NME7: variants seen among roughly 807,000 people sequenced by gnomAD.
NME7 encodes the protein nucleoside diphosphate kinase 7.
In NME7, 41 loss-of-function variants were observed where a neutral mutation model predicts 49.1. The ratio of observed to expected loss-of-function variants is 0.83; its 90% CI spans 0.65 to 1.08. NME7 has a LOEUF of 1.08. Among genes scored for constraint, NME7 ranks in the 50% least tolerant of loss-of-function variants. NME7 has a pLI of 0.00. For synonymous variants in NME7, 139 were observed against 150.6 expected (o/e 0.92, Z 0.56); for missense variants, 423 against 463.4 (o/e 0.91, Z 0.80).
chr1:169,299,287 C>T (rs1319976896), intron 5 of NME7, among the ~76,000 whole-genome samples: 1 of 151,886 alleles, frequency 6.6e-6, no homozygotes, highest in African/African-American at 2.4e-5. Flanking sequence ...AAAAAATCCC[C>T]AGCAGGCTTC....
intron 1 of NME7, among the ~76,000 whole-genome samples, chr1:169,335,562 G>A (rs1652426355): frequency 6.6e-6 from 1 of 151,748 alleles, no homozygotes; most frequent in Non-Finnish European, 1.5e-5. Flanking sequence ...TGGGGTGGGG[G>A]ATGAGGGAAG....
At chr1:169,361,842 A>G (rs183489838) in intron 1 of NME7, among the ~76,000 whole-genome samples, 2 of 152,142 alleles carry the variant, frequency 1.3e-5, no homozygotes, top group African/African-American at 4.8e-5. Context: ...GAAACGTCAT[A>G]AAGTTGGAAA....
At chr1:169,354,833 AATAG>A (rs1289803480) in intron 1 of NME7, among the ~76,000 whole-genome samples, 2 of 135,870 alleles carry the variant, frequency 1.5e-5, no homozygotes, top group African/African-American at 2.7e-5. Flanking sequence ...TATAATACAT[AATAG>A]ATATATTATA....
intron 1 of NME7, among the ~76,000 whole-genome samples, chr1:169,338,338 T>C (rs959337656): frequency 3.3e-5 from 5 of 152,192 alleles, no homozygotes; most frequent in Non-Finnish European, 7.3e-5. Flanking sequence ...AAAAAGTCAG[T>C]GATGCAATGA....
At chr1:169,178,965 C>T (rs1192425207) in intron 10 of NME7, among the ~76,000 whole-genome samples, 1 of 152,026 alleles carries the variant, frequency 6.6e-6, no homozygotes, top group Non-Finnish European at 1.5e-5. Context: ...GGATTACAGG[C>T]ATGTGCCACC....
intron 7 of NME7, chr1:169,286,344 G>A (rs976452551): frequency 6.6e-6 from 1 of 151,838 alleles, no homozygotes; most frequent in Non-Finnish European, 1.5e-5. Flanking sequence ...TGGATACTTA[G>A]GAGACATAAA....
At chr1:169,149,373 T>G (rs1658845970) in intron 11 of NME7, among the ~76,000 whole-genome samples, 1 of 152,102 alleles carries the variant, frequency 6.6e-6, no homozygotes, top group African/African-American at 2.4e-5. Context: ...AAATAATATT[T>G]AACTAAGAGA....
chr1:169,147,713 A>G (rs567529857), intron 11 of NME7, among the ~76,000 whole-genome samples: 2 of 152,352 alleles, frequency 1.3e-5, no homozygotes, highest in South Asian at 4.1e-4. Context: ...CAAATTCGTA[A>G]CTATATCAAG....
intron 1 of NME7, among the ~76,000 whole-genome samples, chr1:169,335,582 G>C (rs1276242332): frequency 6.6e-6 from 1 of 151,310 alleles, no homozygotes; most frequent in Non-Finnish European, 1.5e-5. Context: ...GGGAACTTAG[G>C]GGACGAGTCA....
chr1:169,353,978 T>C (rs1358475801), intron 1 of NME7, among the ~76,000 whole-genome samples: 2 of 152,114 alleles, frequency 1.3e-5, no homozygotes, highest in Admixed American at 6.6e-5. Flanking sequence ...ACAACCACTA[T>C]TGAGAACAGT....
intron 10 of NME7, among the ~76,000 whole-genome samples, chr1:169,187,926 T>C (rs754122715): frequency 1.7e-4 from 26 of 152,220 alleles, no homozygotes; most frequent in Admixed American, 1.1e-3. Context: ...TCAGGAGCTC[T>C]TGTAAGGTAG....
At chr1:169,314,153 A>T (rs1025680810) in intron 3 of NME7, among the ~76,000 whole-genome samples, 1 of 152,068 alleles carries the variant, frequency 6.6e-6, no homozygotes, top group East Asian at 1.9e-4. Flanking sequence ...AATAATCCCA[A>T]ACAGAATGTT....
intron 11 of NME7, among the ~76,000 whole-genome samples, chr1:169,143,088 C>A (rs1571239502): frequency 6.6e-6 from 1 of 152,054 alleles, no homozygotes; most frequent in Non-Finnish European, 1.5e-5. Flanking sequence ...CCAACCTGAC[C>A]CCCTTCAGTC....
chr1:169,299,104 T>C (rs867940394), intron 5 of NME7, among the ~76,000 whole-genome samples: 17 of 152,230 alleles, frequency 1.1e-4, no homozygotes, highest in South Asian at 2.1e-4. Flanking sequence ...TTCCTTTTTA[T>C]TTACATGTGT....
chr1:169,314,859 G>C (rs1379812364), intron 3 of NME7, among the ~76,000 whole-genome samples: 1 of 151,994 alleles, frequency 6.6e-6, no homozygotes, highest in African/African-American at 2.4e-5. Context: ...GAATGGAAAA[G>C]GTATACCATG....
rs184183149 is a variant in NME7 at position 169,266,225 on chromosome 1, G to A, written c.754+21078C>T. The stretch of plus-strand genomic sequence containing the variant: ...TATAAAAATTTTCAACAAAATACTC[G>A]CAAGCCAAATCCAGCAGCACATCAA... On this transcript the variant is annotated intron_variant, in intron 7 of 11. Coordinates refer to ENST00000367811, the MANE Select transcript of NME7 (RefSeq NM_013330.5). 1.9e-3 allele frequency among the ~76,000 whole-genome samples: 255 copies of A among 133,138 alleles called. 24 individuals are homozygous for A. The highest frequency in any genetic ancestry group is 6.2e-3 in the African/African-American group (245 of 39,366). The allele number at this position is 133,138 out of a possible 152,430, so 87.3% of individuals were successfully genotyped here.
At position 169,315,713 on chromosome 1, in the gene NME7, AAAAC is replaced by A. The variant is rs1360072275; in HGVS notation, c.279-5637_279-5634del. 4.6e-5 allele frequency among the ~76,000 whole-genome samples: 7 copies of A among 152,348 alleles called. No homozygotes were observed. The South Asian group carries it at 8.3e-4, about 18-fold the overall frequency. ...AGCTAGATTCCAATACAAAAAGAGA[AAAAC>A]AAATCTCCGTATGTTTGGAAATAAA... On this transcript the variant is annotated intron_variant, in intron 3 of 11. Transcript: ENST00000367811.
intron 10 of NME7, among the ~76,000 whole-genome samples, chr1:169,182,013 C>T (rs2101749760): frequency 6.6e-6 from 1 of 152,136 alleles, no homozygotes; most frequent in South Asian, 2.1e-4. Flanking sequence ...CTTTAGACGA[C>T]TCTTTAACTA....
At chr1:169,301,707 G>GTATA (rs3060581) in intron 5 of NME7, among the ~76,000 whole-genome samples, 15,464 of 151,522 alleles carry the variant, frequency 0.1, 820 homozygotes, top group Admixed American at 0.12. Flanking sequence ...AGAAAATGTG[G>GTATA]TATATATATA....
Sources: gnomAD v4.1 joint callset for allele counts (sites outside exome capture counted in the v4.1 genomes callset) on GRCh38, gnomAD v4.1.1 for gene constraint, MANE v1.5 for transcripts, NCBI Gene and HGNC (gene_info 2026-07-23, HGNC 2026-07-21) for gene names.